Variants in EXOC4 observed in about 807,000 individuals in gnomAD.
EXOC4 encodes the protein SEC8-like 1.
EXOC4 carries 71 observed loss-of-function variants against 107.2 expected under a neutral mutation model. The observed-to-expected ratio is 0.66, with a 90% CI of 0.55 to 0.81. EXOC4 has a LOEUF of 0.81. Among genes scored for constraint, EXOC4 ranks in the 30% least tolerant of loss-of-function variants. The pLI is 0.00. For missense variants in EXOC4, 1,108 were observed against 1,189.6 expected (o/e 0.93, Z 1.01); for synonymous variants, 456 against 441.2 (o/e 1.03, Z -0.42).
chr7:133,798,930 A>G (rs969044139), intron 10 of EXOC4, among the ~76,000 whole-genome samples: 3 of 152,228 alleles, frequency 2.0e-5, no homozygotes, highest in African/African-American at 7.2e-5. Flanking sequence ...TCCTTGGACT[A>G]TGAAAGCTAA....
intron 10 of EXOC4, among the ~76,000 whole-genome samples, chr7:133,813,486 A>G (rs1458639336): frequency 6.6e-6 from 1 of 152,226 alleles, no homozygotes; most frequent in Non-Finnish European, 1.5e-5. Flanking sequence ...CAAATTAATA[A>G]CAGTGGTTTT....
intron 9 of EXOC4, among the ~76,000 whole-genome samples, chr7:133,499,426 G>A (rs1192734882): frequency 6.6e-6 from 1 of 152,088 alleles, no homozygotes; most frequent in East Asian, 1.9e-4. Flanking sequence ...TCCATAAGCG[G>A]ATAATATTTG....
chr7:134,055,947 G>A (rs1191122732), intron 17 of EXOC4, among the ~76,000 whole-genome samples: 2 of 152,132 alleles, frequency 1.3e-5, no homozygotes, highest in Non-Finnish European at 2.9e-5. Context: ...ATTAGGTTTT[G>A]CTTTGAAGAA....
chr7:133,278,117 G>A (rs1022998427), intron 2 of EXOC4, among the ~76,000 whole-genome samples: 4 of 152,132 alleles, frequency 2.6e-5, no homozygotes, highest in African/African-American at 7.2e-5. Context: ...AGGTGCTAGG[G>A]CTGCACAAAT....
Position 133,835,929 on chromosome 7 carries a change from C to T in EXOC4, c.1734+18385C>T, listed in dbSNP as rs144307768. On this transcript the variant is annotated intron_variant, in intron 11 of 17. Transcript: ENST00000253861. ...CCAGATTAACTTCATGATTACTAAC[C>T]CAATTATAGACCTTGTGCCTGGGTA... is the stretch of plus-strand genomic sequence containing the variant. 4.9e-3 allele frequency among the ~76,000 whole-genome samples: 740 copies of T among 152,252 alleles called. 3 individuals are homozygous for T. Among genetic ancestry groups the T allele is most frequent in the Middle Eastern group, 0.017 (5 of 294 alleles).
chr7:134,074,026 C>G, the EXOC4 span, among the ~76,000 whole-genome samples: 2 of 152,218 alleles, frequency 1.3e-5, no homozygotes, highest in Non-Finnish European at 2.9e-5. Flanking sequence ...GTCCATCCAC[C>G]ACAGGCATCC....
intron 17 of EXOC4, among the ~76,000 whole-genome samples, chr7:134,053,702 G>C (rs1178632729): frequency 6.6e-6 from 1 of 151,714 alleles, no homozygotes; most frequent in African/African-American, 2.4e-5. Context: ...TTTAAAATAA[G>C]GTGGTCAGGG....
intron 17 of EXOC4, among the ~76,000 whole-genome samples, chr7:134,012,444 A>C (rs79699647): frequency 0.022 from 3,425 of 152,328 alleles, 135 homozygotes; most frequent in African/African-American, 0.078. Context: ...ACCAAAGACT[A>C]CAAAGTTTTT....
intron 17 of EXOC4, among the ~76,000 whole-genome samples, chr7:134,041,796 T>G (rs1795525420): frequency 6.6e-6 from 1 of 152,226 alleles, no homozygotes. Flanking sequence ...TTGCAGTGTT[T>G]CTGAAAAATT....
chr7:133,558,430 A>G (rs1289273633), intron 9 of EXOC4, among the ~76,000 whole-genome samples: 2 of 152,104 alleles, frequency 1.3e-5, no homozygotes, highest in Non-Finnish European at 2.9e-5. Flanking sequence ...TAACACCACA[A>G]TAATCTATTT....
intron 9 of EXOC4, among the ~76,000 whole-genome samples, chr7:133,531,612 G>A (rs1331903000): frequency 1.3e-5 from 2 of 152,054 alleles, no homozygotes; most frequent in African/African-American, 4.8e-5. Context: ...CACAGTCAGG[G>A]TCCAAAGTTA....
chr7:133,828,077 C>T (rs368198811), intron 11 of EXOC4, among the ~76,000 whole-genome samples: 1 of 152,096 alleles, frequency 6.6e-6, no homozygotes, highest in African/African-American at 2.4e-5. Flanking sequence ...GGCTACTGTC[C>T]ATTTTGATCT....
intron 10 of EXOC4, among the ~76,000 whole-genome samples, chr7:133,787,335 TTGTGTGTGTGTGTGTGTGTGTG>T (rs757017206): frequency 5.3e-5 from 6 of 113,826 alleles, no homozygotes; most frequent in African/African-American, 1.6e-4. Flanking sequence ...ATAGGCTAAT[TTGTGTGTGTGTGTGTGTGTGTG>T]TGTGTGTGTG....
At chr7:133,706,300 A>G (rs1272221663) in intron 10 of EXOC4, among the ~76,000 whole-genome samples, 2 of 152,230 alleles carry the variant, frequency 1.3e-5, no homozygotes, top group Admixed American at 6.5e-5. Context: ...GCATACTACT[A>G]TGATTTTACT....
rs559109802 is a variant in EXOC4 at position 133,569,005 on chromosome 7, T to C, written c.1418-61040T>C. Among the ~76,000 whole-genome samples, 61 of 152,128 alleles carry C rather than the reference T, an allele frequency of 4.0e-4. 2 individuals are homozygous for C. The South Asian group carries it at 0.01, about 26-fold the overall frequency. ...CTGATATTTTTTAGCAAAGTAAAAA[T>C]AAGTAAGCAAATAAATAGGGCTAAG... On this transcript the variant is annotated intron_variant, in intron 9 of 17. Transcript: ENST00000253861.
downstream of EXOC4, among the ~76,000 whole-genome samples, chr7:134,070,882 A>G (rs1362279736): frequency 6.6e-6 from 1 of 152,170 alleles, no homozygotes; most frequent in Admixed American, 6.5e-5. Flanking sequence ...TGACTTTGCA[A>G]TAGATACTCT....
intron 17 of EXOC4, among the ~76,000 whole-genome samples, chr7:134,021,989 A>C (rs1414260645): frequency 6.6e-6 from 1 of 152,194 alleles, no homozygotes; most frequent in Non-Finnish European, 1.5e-5. Flanking sequence ...TAAAGGCTTC[A>C]TGATATATTT....
intron 7 of EXOC4, among the ~76,000 whole-genome samples, chr7:133,433,067 T>C (rs1396244421): frequency 6.6e-6 from 1 of 152,196 alleles, no homozygotes; most frequent in Non-Finnish European, 1.5e-5. Flanking sequence ...TTTCGAATGG[T>C]AGTAGTATCA....
At chr7:133,652,721 G>A (rs1390873186) in intron 10 of EXOC4, among the ~76,000 whole-genome samples, 1 of 152,148 alleles carries the variant, frequency 6.6e-6, no homozygotes, top group Non-Finnish European at 1.5e-5. Flanking sequence ...TGGCCTTTCC[G>A]CCTCCGAGCA....
Sources: gnomAD v4.1 joint callset for allele counts (sites outside exome capture counted in the v4.1 genomes callset) on GRCh38, gnomAD v4.1.1 for gene constraint, MANE v1.5 for transcripts, NCBI Gene and HGNC (gene_info 2026-07-23, HGNC 2026-07-21) for gene names.